Variants in GRIN2B observed in about 807,000 individuals in gnomAD.
GRIN2B encodes the protein glutamate receptor ionotropic, NMDA 2B.
Under a neutral mutation model 114.5 loss-of-function variants are expected in GRIN2B, and 5 were observed. The observed-to-expected ratio is 0.04, with a 90% CI of 0.02 to 0.09. GRIN2B has a LOEUF of 0.09. Ranked by LOEUF, GRIN2B falls within the 10% of genes least tolerant of loss-of-function variation. The probability of loss-of-function intolerance (pLI) is 1.00; values close to 1 mark genes in which losing one functional copy is unlikely to be tolerated. For missense variants in GRIN2B, 1,108 were observed against 1,943.5 expected, an observed-to-expected ratio of 0.57 and a Z score of 8.08; for synonymous variants, 787 against 745.1, an observed-to-expected ratio of 1.06 and a Z score of -0.92.
chr12:13,638,509 C>CT (rs1394021648), intron 5 of GRIN2B, among the ~76,000 whole-genome samples: 5 of 152,106 alleles, frequency 3.3e-5, no homozygotes, highest in African/African-American at 9.7e-5. Flanking sequence ...GAAAGTATCA[C>CT]TAGGGAAAAG....
intron 2 of GRIN2B, among the ~76,000 whole-genome samples, chr12:13,905,394 T>C (rs778838258): frequency 2.0e-5 from 3 of 152,224 alleles, no homozygotes; most frequent in Non-Finnish European, 4.4e-5. Context: ...TAGTTGGCTC[T>C]TTTACAAATC....
At chr12:13,729,696 G>A (rs1863049926) in intron 4 of GRIN2B, among the ~76,000 whole-genome samples, 1 of 152,036 alleles carries the variant, frequency 6.6e-6, no homozygotes, top group African/African-American at 2.4e-5. Flanking sequence ...GAATGGGTTT[G>A]AGGAAAGTCA....
In GRIN2B at chr12:13,753,522, C is replaced by T; in HGVS notation, c.805G>A (p.Val269Met). 1 of 1,614,200 alleles carries T rather than the reference C, an allele frequency of 6.2e-7. No individual in the cohort carries two copies. Among genetic ancestry groups the T allele is most frequent in the Non-Finnish European group, 8.5e-7 (1 of 1,180,036 alleles). ...AGCCCAGTGGGGAACTCCGCAGGCA[C>T]TGTGTCTGTATCCCCTGCCACCAGA... ...PSLVAGDTDT[V>M]PAEFPTGLIS... The change falls in exon 4 of 14, where the codon GTG (valine) becomes ATG (methionine). Residue 269 changes from valine (V) to methionine (M), a missense_variant. Coordinates refer to ENST00000609686, the MANE Select transcript of GRIN2B (RefSeq NM_000834.5). The surrounding 1 kb of genome is among the most constrained non-coding windows in gnomAD (Gnocchi z 6.2).
rs189147788 is a variant in GRIN2B, at chr12:13,570,987, C to T, written c.2171+817G>A. On this transcript the variant is annotated intron_variant, in intron 11 of 13. Coordinates refer to ENST00000609686, the MANE Select transcript of GRIN2B (RefSeq NM_000834.5). ...TACCCAAAGTGGCCCTACCTTCAAG[C>T]TCAAATTCCATCTTCTGAAATCTTC... Among the ~76,000 whole-genome samples the T allele has an allele frequency of 9.2e-5, 14 of 152,262 alleles. No individual in the cohort carries two copies. The East Asian group carries it at 2.5e-3, about 27-fold the overall frequency.
At chr12:13,629,037 A>G (rs2136495130) in intron 5 of GRIN2B, among the ~76,000 whole-genome samples, 1 of 152,332 alleles carries the variant, frequency 6.6e-6, no homozygotes, top group East Asian at 1.9e-4. Context: ...CAAAGAAAAA[A>G]AAAGGCTTGA....
intron 3 of GRIN2B, among the ~76,000 whole-genome samples, chr12:13,847,918 G>C (rs1865496560): frequency 6.6e-6 from 1 of 152,120 alleles, no homozygotes; most frequent in Non-Finnish European, 1.5e-5. Context: ...TCCCTCCTCT[G>C]CCAGATTCTC....
At chr12:13,928,984 A>G (rs1866969364) in intron 2 of GRIN2B, among the ~76,000 whole-genome samples, 1 of 151,918 alleles carries the variant, frequency 6.6e-6, no homozygotes, top group South Asian at 2.1e-4. Context: ...TAGTCCCCAC[A>G]ACAATATTAT....
At chr12:13,827,313 T>C (rs1406809235) in intron 3 of GRIN2B, among the ~76,000 whole-genome samples, 1 of 145,752 alleles carries the variant, frequency 6.9e-6, no homozygotes, top group African/African-American at 2.5e-5. Flanking sequence ...TTTCACCAAA[T>C]AATTTCATAT....
chr12:13,944,872 T>A (rs1198043282), intron 2 of GRIN2B, among the ~76,000 whole-genome samples: 1 of 152,188 alleles, frequency 6.6e-6, no homozygotes, highest in Non-Finnish European at 1.5e-5. Context: ...AATGTGGAAG[T>A]TCCCAGCTGA....
At chr12:13,669,477 T>C (rs1000780308) in intron 5 of GRIN2B, among the ~76,000 whole-genome samples, 4 of 152,086 alleles carry the variant, frequency 2.6e-5, no homozygotes, top group African/African-American at 9.7e-5. Context: ...AACGGTGGTA[T>C]CAGGAGATCC....
At chr12:13,579,645 T>C (rs1315493805) in intron 10 of GRIN2B, among the ~76,000 whole-genome samples, 2 of 152,146 alleles carry the variant, frequency 1.3e-5, no homozygotes, top group African/African-American at 2.4e-5. Flanking sequence ...AATGACAAGA[T>C]TGGGTTTTTG....
intron 2 of GRIN2B, among the ~76,000 whole-genome samples, chr12:13,959,169 G>GC (rs1867648470): frequency 6.6e-6 from 1 of 152,168 alleles, no homozygotes; most frequent in Non-Finnish European, 1.5e-5. Flanking sequence ...TCAAAATTGA[G>GC]CCAGATTTTA....
At chr12:13,746,402 T>G (rs1280488379) in intron 4 of GRIN2B, among the ~76,000 whole-genome samples, 3 of 152,182 alleles carry the variant, frequency 2.0e-5, no homozygotes, top group South Asian at 4.2e-4. Flanking sequence ...ATGAGGCTTG[T>G]CTGCTTTCTC....
intron 4 of GRIN2B, among the ~76,000 whole-genome samples, chr12:13,729,618 A>G (rs575887699): frequency 3.9e-5 from 6 of 152,234 alleles, no homozygotes; most frequent in African/African-American, 1.4e-4. Context: ...AATATGTAGG[A>G]AAGACTGTCT....
chr12:13,759,379 T>C (rs1278007763), intron 3 of GRIN2B, among the ~76,000 whole-genome samples: 2 of 152,170 alleles, frequency 1.3e-5, no homozygotes, highest in African/African-American at 2.4e-5. Context: ...AAGTTATACA[T>C]AAACTGTGCT....
intron 5 of GRIN2B, among the ~76,000 whole-genome samples, chr12:13,672,277 AG>A (rs1950029409): frequency 6.6e-6 from 1 of 152,152 alleles, no homozygotes; most frequent in Admixed American, 6.5e-5. Flanking sequence ...ATGGCTAGTT[AG>A]TGGCCTGACC....
intron 2 of GRIN2B, among the ~76,000 whole-genome samples, chr12:13,876,274 T>C (rs1865989903): frequency 6.6e-6 from 1 of 152,214 alleles, no homozygotes; most frequent in African/African-American, 2.4e-5. Flanking sequence ...ATGGGAATTA[T>C]TATCCTCACC....
intron 3 of GRIN2B, among the ~76,000 whole-genome samples, chr12:13,863,246 C>G (rs1476685864): frequency 1.3e-5 from 2 of 152,156 alleles, no homozygotes; most frequent in Non-Finnish European, 2.9e-5. Context: ...TACACTTAAG[C>G]GCTCCACCAT....
At chr12:13,797,195 G>T (rs1271862401) in intron 3 of GRIN2B, among the ~76,000 whole-genome samples, 2 of 152,068 alleles carry the variant, frequency 1.3e-5, no homozygotes, top group Non-Finnish European at 2.9e-5. Flanking sequence ...CCCATTTCCT[G>T]GTTTACAGAT....
Sources: gnomAD v4.1 joint callset for allele counts (sites outside exome capture counted in the v4.1 genomes callset) on GRCh38, gnomAD v4.1.1 for gene constraint, Gnocchi (gnomAD v3.1) non-coding constraint, MANE v1.5 for transcripts, NCBI Gene and HGNC (gene_info 2026-07-23, HGNC 2026-07-21) for gene names.